ELK1: variants seen among roughly 807,000 people sequenced by gnomAD.
ELK1 encodes ETS domain-containing protein Elk-1.
For synonymous variants in ELK1, 163 were observed against 176.3 expected (o/e 0.92, Z 0.60); for missense variants, 254 against 381.5 (o/e 0.67, Z 2.78).
intron 3 of ELK1, among the ~76,000 whole-genome samples, chrX:47,640,499 T>C (rs2058024814): frequency 1.8e-5 from 2 of 110,073 alleles, no homozygotes; most frequent in African/African-American, 3.3e-5. Context: ...GGTATAAATA[T>C]TGGGGGGAGG....
intron 2 of ELK1, 148 bp downstream of exon 2, chrX:47,649,773 C>T (rs1178626141): frequency 5.5e-5 from 5 of 91,603 alleles, no homozygotes; most frequent in African/African-American, 1.3e-4. Context: ...GGACTGATAG[C>T]TAAAGGGACG....
Position 47,641,322 on chromosome X carries a change from C to G in ELK1, c.120G>C (p.Glu40Asp). The stretch of plus-strand genomic sequence containing the variant: ...GTAGCCCCCACAGCCGGGCCACCTC[C>G]TCTGCATCCACCAGCTTGAATTCAC... ...DGGEFKLVDA[E>D]EVARLWGLRK... Residue 40 changes from glutamate (E) to aspartate (D), a missense_variant, in exon 3 of 7, where the codon GAG (glutamate) becomes GAC (aspartate). Coordinates refer to ENST00000376983, the MANE Select transcript of ELK1 (RefSeq NM_001114123.3). 1 of 1,212,126 alleles carries G rather than the reference C, an allele frequency of 8.2e-7. No individual in the cohort carries two copies. Among genetic ancestry groups the G allele is most frequent in the Non-Finnish European group, 1.1e-6 (1 of 895,601 alleles).
At position 47,638,022 on chromosome X, in the gene ELK1, G is replaced by A. The variant is rs2058015629; in HGVS notation, c.815C>T (p.Ala272Val). 1.7e-6 allele frequency: 2 copies of A among 1,209,504 alleles called. No individual in the cohort carries two copies. Among genetic ancestry groups the A allele is most frequent in the Non-Finnish European group, 2.2e-6 (2 of 894,982 alleles). The change falls in exon 5 of 7, where the codon GCC (alanine) becomes GTC (valine). Residue 272 changes from alanine (A) to valine (V), a missense_variant. Transcript: ENST00000376983. Reference protein sequence around the residue: ...ERGFVPETTKAEPEVPPQEGV... With the variant: ...ERGFVPETTKVEPEVPPQEGV... The stretch of plus-strand genomic sequence containing the variant: ...CTCCTGTGGAGGGACTTCTGGCTCG[G>A]CCTTGGTGGTTTCTGGCACAAACCC...
rs2147940911 is a variant in ELK1 at position 47,636,730 on chromosome X, T to C, written c.*99A>G. The stretch of plus-strand genomic sequence containing the variant: ...TCCCCACCCCACCACAATCAGAGCA[T>C]GAGTCTTTCAGTTGAACTATGTTTC... On this transcript the variant is annotated 3_prime_UTR_variant, in exon 7 of 7. Coordinates refer to ENST00000376983, the MANE Select transcript of ELK1 (RefSeq NM_001114123.3). 1 of 825,052 alleles carries C rather than the reference T, an allele frequency of 1.2e-6. No homozygotes were observed. The highest frequency in any genetic ancestry group is 1.7e-6 in the Non-Finnish European group (1 of 594,347). 68.0% of individuals were successfully genotyped at this position (825,052 alleles called of 1,213,427 possible). A position where few individuals can be genotyped will look rare whatever the true frequency, so the allele number is the denominator to read the frequency against.
At chrX:47,641,566 C>G in intron 2 of ELK1, 91 bp from the exon 3 acceptor site, 1 of 659,969 alleles carries the variant, frequency 1.5e-6, no homozygotes, top group Non-Finnish European at 2.3e-6. Context: ...CATCTTTTCT[C>G]CATCTCTGTC....
At chrX:47,650,194 C>G (rs2058057339) in intron 1 of ELK1, among the ~76,000 whole-genome samples, 168 bp from the exon 2 acceptor site, 1 of 110,016 alleles carries the variant, frequency 9.1e-6, no homozygotes, top group Non-Finnish European at 1.9e-5. Context: ...AACATAAGCA[C>G]GCAGACCGAT....
intron 3 of ELK1, among the ~76,000 whole-genome samples, chrX:47,639,665 C>T (rs2058022396): frequency 8.9e-6 from 1 of 111,847 alleles, no homozygotes; most frequent in Non-Finnish European, 1.9e-5. Flanking sequence ...CCCTTTGTCA[C>T]TCTCCAGGTC....
At position 47,638,077 on chromosome X, in the gene ELK1, T is replaced by G; in HGVS notation, c.760A>C (p.Lys254Gln). ...LPPEVKVEGP[K>Q]EELEVAGERG... ...TCCCCCGCAACTTCCAACTCTTCCT[T>G]GGGCCCTTCTACTTTCACTTCTGGG... The change falls in exon 5 of 7, where the codon AAG (lysine) becomes CAG (glutamine). Residue 254 changes from lysine to glutamine, a missense_variant. Coordinates refer to ENST00000376983, the MANE Select transcript of ELK1 (RefSeq NM_001114123.3). 1 of 1,211,424 alleles carries G rather than the reference T, an allele frequency of 8.3e-7. No homozygotes were observed. The highest frequency in any genetic ancestry group is 1.1e-6 in the Non-Finnish European group (1 of 895,392).
upstream of ELK1, chrX:47,650,565 A>G (rs747651388): frequency 1.6e-5 from 5 of 304,937 alleles, no homozygotes; most frequent in East Asian, 4.3e-4. Flanking sequence ...AGCACCTAGA[A>G]GCCGCCCCTG....
rs147404955 is a variant in ELK1 at position 47,639,043 on chromosome X, G to A, written c.506C>T (p.Pro169Leu). ...AGGCCGAGGATGAGGGGGTGGCTGC[G>A]GCTGCAGAGACTGGATGGTGAAGGT... ...YSTFTIQSLQPQPPPHPRPAV... is the reference protein window; with the variant it reads ...YSTFTIQSLQLQPPPHPRPAV... Residue 169 changes from proline to leucine, a missense_variant, in exon 4 of 7, where the codon CCG (proline) becomes CTG (leucine). Physicochemically the swap from Pro to Leu is moderately conservative, Grantham distance 98. Coordinates refer to ENST00000376983, the MANE Select transcript of ELK1 (RefSeq NM_001114123.3). 256 of 1,202,442 alleles carry A rather than the reference G, an allele frequency of 2.1e-4. No homozygotes were observed. Among genetic ancestry groups the A allele is most frequent in the Non-Finnish European group, 2.7e-4 (242 of 891,598 alleles).
chrX:47,637,181 G>A (rs954379683), intron 5 of ELK1, 67 bp from the exon 6 acceptor site: 46 of 1,039,028 alleles, frequency 4.4e-5, no homozygotes, highest in Middle Eastern at 3.6e-4. Context: ...GAAGGGACTT[G>A]GTCCCGGCCC....
At position 47,638,902 on chromosome X, in the gene ELK1, G is replaced by A; in HGVS notation, c.647C>T (p.Pro216Leu). 11 of 1,202,053 alleles carry A rather than the reference G, an allele frequency of 9.2e-6. No homozygotes were observed. The highest frequency in any genetic ancestry group is 1.2e-5 in the Non-Finnish European group (11 of 890,745). The part of the protein sequence containing the change: ...ACLEAEEAGL[P>L]LQVILTPPEA... ...CTATATTCCAGTCCTTACCTGCAGA[G>A]GCAAGCCGGCCTCTTCAGCCTCCAG... The change falls in exon 4 of 7, where the codon CCT becomes CTT. Residue 216 changes from proline to leucine, a missense_variant. Coordinates refer to ENST00000376983, the MANE Select transcript of ELK1 (RefSeq NM_001114123.3).
intron 3 of ELK1, among the ~76,000 whole-genome samples, chrX:47,640,114 G>C (rs1231026872): frequency 9.0e-6 from 1 of 111,265 alleles, no homozygotes; most frequent in Non-Finnish European, 1.9e-5. Context: ...ATATTGGGAG[G>C]GGGCCTATAT....
At chrX:47,646,180 T>C (rs771643705) in intron 2 of ELK1, among the ~76,000 whole-genome samples, 20 of 111,956 alleles carry the variant, frequency 1.8e-4, no homozygotes, top group Non-Finnish European at 2.8e-4. Flanking sequence ...CTTTGTATAG[T>C]ATATTCCAAG....
chrX:47,650,588 GCTC>G (rs1221370282), upstream of ELK1: 1 of 275,038 alleles, frequency 3.6e-6, no homozygotes, highest in African/African-American at 2.9e-5. Flanking sequence ...TTTCCCTACA[GCTC>G]ACGTGGGCCC....
At chrX:47,647,533 C>G (rs1452066132) in intron 2 of ELK1, among the ~76,000 whole-genome samples, 1 of 111,907 alleles carries the variant, frequency 8.9e-6, no homozygotes. Context: ...TGCCATATTC[C>G]AGCACCTAGA....
At chrX:47,641,640 G>C (rs2058029119) in intron 2 of ELK1, among the ~76,000 whole-genome samples, 165 bp from the exon 3 acceptor site, 1 of 112,225 alleles carries the variant, frequency 8.9e-6, no homozygotes, top group South Asian at 3.7e-4. Context: ...AGTCTTGCTT[G>C]GGATGCTCCC....
At position 47,637,803 on chromosome X, in the gene ELK1, A is replaced by G; in HGVS notation, c.1034T>C (p.Leu345Pro). The change falls in exon 5 of 7, where the codon CTC becomes CCC. Residue 345 changes from leucine to proline, a missense_variant. Coordinates refer to ENST00000376983, the MANE Select transcript of ELK1 (RefSeq NM_001114123.3). ...RTPGSGSGSG[L>P]QAPGPALTPS... The stretch of plus-strand genomic sequence containing the variant: ...GGTCAGCGCCGGCCCCGGAGCCTGG[A>G]GGCCGGAGCCACTTCCCGATCCTGG... 1.7e-6 allele frequency: 2 copies of G among 1,195,271 alleles called. No individual in the cohort carries two copies. The highest frequency in any genetic ancestry group is 2.3e-6 in the Non-Finnish European group (2 of 886,442).
rs186060107 is a variant in ELK1 at position 47,643,214 on chromosome X, C to T, written c.-34-1739G>A. 6.3e-4 allele frequency among the ~76,000 whole-genome samples: 71 copies of T among 112,201 alleles called. 1 individual carries two copies. Among genetic ancestry groups the T allele is most frequent in the Middle Eastern group, 4.6e-3 (1 of 217 alleles). Reference sequence around the variant, plus strand: ...CTAGGATTACAGGCATGAGGCACCACGCTTGGCTGATATTCTTTAACCTCT... The same window carrying T: ...CTAGGATTACAGGCATGAGGCACCATGCTTGGCTGATATTCTTTAACCTCT... On this transcript the variant is annotated intron_variant, in intron 2 of 6. Coordinates refer to ENST00000376983, the MANE Select transcript of ELK1 (RefSeq NM_001114123.3).
Sources: gnomAD v4.1 joint callset for allele counts (sites outside exome capture counted in the v4.1 genomes callset) on GRCh38, gnomAD v4.1.1 for gene constraint, MANE v1.5 for transcripts, NCBI Gene and HGNC (gene_info 2026-07-23, HGNC 2026-07-21) for gene names.